UBR3: variants seen among roughly 807,000 people sequenced by gnomAD.
The protein encoded by UBR3 is ubiquitin protein ligase E3 component n-recognin 3.
A neutral mutation model predicts 243.2 loss-of-function variants in UBR3; 85 were observed. That is an observed-to-expected ratio of 0.35 (90% CI 0.29 to 0.42). The LOEUF is 0.42. UBR3 is among the 10% of genes least tolerant of loss of function. The probability of loss-of-function intolerance (pLI) is 1.00; values close to 1 mark genes in which losing one functional copy is unlikely to be tolerated. For missense variants in UBR3, 1,686 were observed against 2,300.8 expected (o/e 0.73, Z 5.47); for synonymous variants, 748 against 799.8 (o/e 0.94, Z 1.09).
intron 1 of UBR3, among the ~76,000 whole-genome samples, chr2:169,864,001 C>T (rs545147746): frequency 2.0e-5 from 3 of 152,218 alleles, no homozygotes; most frequent in Admixed American, 6.5e-5. Context: ...TCTAAAGGAG[C>T]GCCATGGATA....
At chr2:170,021,229 G>A (rs1395264909) in intron 30 of UBR3, among the ~76,000 whole-genome samples, 1 of 152,032 alleles carries the variant, frequency 6.6e-6, no homozygotes, top group Non-Finnish European at 1.5e-5. Flanking sequence ...TCAAATTGGG[G>A]GGTGTGTGGA....
chr2:169,845,492 T>TTCG (rs746655489), intron 1 of UBR3, among the ~76,000 whole-genome samples: 7,206 of 123,428 alleles, frequency 0.058, 247 homozygotes, highest in African/African-American at 0.083. Flanking sequence ...CCTTTCCCTC[T>TTCG]TCGTCGTCAT....
At chr2:169,890,449 A>T (rs2084283265) in intron 5 of UBR3, among the ~76,000 whole-genome samples, 1 of 150,144 alleles carries the variant, frequency 6.7e-6, no homozygotes, top group African/African-American at 2.5e-5. Flanking sequence ...TACAAACTTG[A>T]ATAGGTTGTG....
intron 32 of UBR3, among the ~76,000 whole-genome samples, chr2:170,051,947 T>G (rs1270588371): frequency 6.6e-6 from 1 of 152,178 alleles, no homozygotes; most frequent in Non-Finnish European, 1.5e-5. Context: ...CTTCACAATT[T>G]TATCTTTTTT....
At position 169,950,068 on chromosome 2, in the gene UBR3, A is replaced by G; in HGVS notation, c.3545+3A>G. 2 of 1,536,630 alleles carry G rather than the reference A, an allele frequency of 1.3e-6. No individual in the cohort carries two copies. The highest frequency in any genetic ancestry group is 1.7e-6 in the Non-Finnish European group (2 of 1,146,076). ...AAAACATTGGACAAAGAAGAAAGGT[A>G]ATTTTTATTTTTAATGTTTTAAACG... is the stretch of plus-strand genomic sequence containing the variant. On this transcript the variant is annotated splice_donor_region_variant and intron_variant, in intron 23 of 38. Transcript: ENST00000272793.
At chr2:170,039,198 G>T (rs10189188) in intron 31 of UBR3, among the ~76,000 whole-genome samples, 28,148 of 152,028 alleles carry the variant, frequency 0.19, 2,839 homozygotes, top group South Asian at 0.35. Flanking sequence ...GGTAACTTGG[G>T]ACAGTGTTTC....
intron 10 of UBR3, among the ~76,000 whole-genome samples, 196 bp from the exon 11 acceptor site, chr2:169,913,864 G>C (rs1018863156): frequency 6.6e-6 from 1 of 151,980 alleles, no homozygotes; most frequent in Non-Finnish European, 1.5e-5. Context: ...AAAAGGAAGC[G>C]TATTGACTTA....
chr2:170,078,382 G>T, intron 36 of UBR3: 2 of 231,948 alleles, frequency 8.6e-6, no homozygotes, highest in South Asian at 1.1e-4. Flanking sequence ...GGCCGCAACA[G>T]GAAAGGCAAG....
chr2:169,827,734 C>T lies in UBR3; in HGVS notation c.227C>T (p.Ala76Val), dbSNP rs1249696334. The T allele has an allele frequency of 1.4e-5, 17 of 1,236,832 alleles. No individual in the cohort carries two copies. The highest frequency in any genetic ancestry group is 1.7e-5 in the Non-Finnish European group (17 of 992,956). 76.6% of individuals were successfully genotyped at this position (1,236,832 alleles called of 1,614,324 possible). A position where few individuals can be genotyped will look rare whatever the true frequency, so the allele number is the denominator to read the frequency against. Residue 76 changes from alanine to valine, a missense_variant, in exon 1 of 39, where the codon GCG (alanine) becomes GTG (valine). By Grantham distance (64) the Ala-to-Val change is moderately conservative (BLOSUM62 0). This residue lies in a region of UBR3 where 145 missense variants were observed against 243.8 expected (regional missense o/e 0.59). Coordinates refer to ENST00000272793, the MANE Select transcript of UBR3 (RefSeq NM_172070.4). Reference protein sequence around the residue: ...AAAAGGEDAAAAGGGGGPGAA... With the variant: ...AAAAGGEDAAVAGGGGGPGAA... ...GCTGCCGGCGGCGAGGACGCGGCGG[C>T]GGCCGGAGGCGGGGGCGGTCCGGGG...
At chr2:169,850,171 C>CTTTTTTT (rs56133731) in intron 1 of UBR3, among the ~76,000 whole-genome samples, 3 of 57,292 alleles carry the variant, frequency 5.2e-5, no homozygotes, top group African/African-American at 2.0e-4. Context: ...TGTTCTAGAG[C>CTTTTTTT]TTTTTTTTTT....
chr2:169,988,055 A>T (rs776486429), intron 25 of UBR3, among the ~76,000 whole-genome samples: 1 of 152,222 alleles, frequency 6.6e-6, no homozygotes, highest in Non-Finnish European at 1.5e-5. Context: ...TTAGTGGGAC[A>T]TTGAAGTAGA....
chr2:169,938,095 A>G (rs1280318893), intron 19 of UBR3, among the ~76,000 whole-genome samples: 1 of 152,132 alleles, frequency 6.6e-6, no homozygotes. Flanking sequence ...GGCAGTTTTC[A>G]TCCGATCCTC....
At chr2:169,842,221 C>G (rs1420339463) in intron 1 of UBR3, among the ~76,000 whole-genome samples, 1 of 152,130 alleles carries the variant, frequency 6.6e-6, no homozygotes, top group Admixed American at 6.5e-5. Context: ...CACCAATCGA[C>G]ACTCTGTATC....
At chr2:169,990,922 A>G (rs1208510204) in intron 25 of UBR3, among the ~76,000 whole-genome samples, 4 of 152,122 alleles carry the variant, frequency 2.6e-5, no homozygotes, top group Non-Finnish European at 5.9e-5. Flanking sequence ...TGCCCAGGTA[A>G]AAGGCAGAGG....
chr2:169,827,478 C>A lies in UBR3; in HGVS notation c.-30C>A, dbSNP rs1339444179. On this transcript the variant is annotated 5_prime_UTR_variant, in exon 1 of 39. Coordinates refer to ENST00000272793, the MANE Select transcript of UBR3 (RefSeq NM_172070.4). Reference sequence around the variant, plus strand: ...CACTCTCCCTGGAGGAGCCGCTGGCCCTGGACTCTCCAAATTCTGAGCTCT... The same window carrying A: ...CACTCTCCCTGGAGGAGCCGCTGGCACTGGACTCTCCAAATTCTGAGCTCT... 11 of 1,223,594 alleles carry A rather than the reference C, an allele frequency of 9.0e-6. No individual in the cohort carries two copies. Among genetic ancestry groups the A allele is most frequent in the Non-Finnish European group, 1.0e-5 (10 of 982,924 alleles). The allele number at this position is 1,223,594 out of a possible 1,614,324, so 75.8% of individuals were successfully genotyped here.
At chr2:169,866,150 CAAAAAAAAAA>C (rs578054467) in intron 1 of UBR3, among the ~76,000 whole-genome samples, 32 of 53,376 alleles carry the variant, frequency 6.0e-4, no homozygotes, top group Admixed American at 1.2e-3. Context: ...GACTGTGTCT[CAAAAAAAAAA>C]AAAAAAAAAA....
intron 10 of UBR3, among the ~76,000 whole-genome samples, chr2:169,908,905 G>A (rs1156857904): frequency 6.7e-6 from 1 of 148,292 alleles, no homozygotes; most frequent in Non-Finnish European, 1.5e-5. Flanking sequence ...CTCACTGCAA[G>A]CTCTGCCTCC....
intron 24 of UBR3, among the ~76,000 whole-genome samples, chr2:169,967,087 A>AT (rs1466316462): frequency 1.6e-4 from 24 of 152,316 alleles, no homozygotes. Context: ...AGGTAGTATT[A>AT]TCCCACATAC....
At chr2:169,976,419 T>G (rs2105380351) in intron 24 of UBR3, among the ~76,000 whole-genome samples, 1 of 152,274 alleles carries the variant, frequency 6.6e-6, no homozygotes, top group South Asian at 2.1e-4. Context: ...AGGACTCTCC[T>G]GAGCATTTCT....
Sources: allele counts gnomAD v4.1 joint callset (sites outside exome capture counted in the v4.1 genomes callset), GRCh38; gene constraint gnomAD v4.1.1; regional missense constraint gnomAD v4.1.1; transcripts MANE v1.5; gene names NCBI Gene and HGNC (gene_info 2026-07-23, HGNC 2026-07-21).